The following PTPRD variants were observed in gnomAD, a reference collection of about 807,000 sequenced individuals.
PTPRD encodes the protein receptor-type tyrosine-protein phosphatase delta.
Under a neutral mutation model 214.5 loss-of-function variants are expected in PTPRD, and 34 were observed. The observed-to-expected ratio is 0.16, with a 90% CI of 0.12 to 0.21. PTPRD has a LOEUF of 0.21. Ranked by LOEUF, PTPRD falls within the 10% of genes least tolerant of loss-of-function variation. The probability of loss-of-function intolerance (pLI) is 1.00; values close to 1 mark genes in which losing one functional copy is unlikely to be tolerated. For synonymous variants in PTPRD, 1,128 were observed against 845.7 expected, an observed-to-expected ratio of 1.33 and a Z score of -5.79; for missense variants, 2,545 against 2,398.7, an observed-to-expected ratio of 1.06 and a Z score of -1.27.
intron 26 of PTPRD, 63 bp from the exon 27 acceptor site, chr9:8,493,042 C>A (rs2136317449): frequency 2.9e-6 from 4 of 1,380,132 alleles, no homozygotes; most frequent in East Asian, 2.3e-5. Context: ...GGGGGAAAAA[C>A]AAGGCCGTCT....
At chr9:9,330,124 C>T (rs1461013591) in intron 9 of PTPRD, among the ~76,000 whole-genome samples, 1 of 152,092 alleles carries the variant, frequency 6.6e-6, no homozygotes, top group East Asian at 1.9e-4. Flanking sequence ...TTGTCTCAAA[C>T]TCCAGACCCT....
At chr9:9,497,821 G>C in intron 8 of PTPRD, among the ~76,000 whole-genome samples, 1 of 152,038 alleles carries the variant, frequency 6.6e-6, no homozygotes, top group Non-Finnish European at 1.5e-5. Flanking sequence ...GCACTGTTAT[G>C]GAATGAAACT....
intron 10 of PTPRD, among the ~76,000 whole-genome samples, chr9:9,124,668 T>C (rs1471706769): frequency 6.6e-6 from 1 of 152,198 alleles, no homozygotes; most frequent in African/African-American, 2.4e-5. Flanking sequence ...TGGTGGCTGC[T>C]ATTTCAAGCC....
At chr9:9,603,339 A>G (rs1666116137) in intron 7 of PTPRD, among the ~76,000 whole-genome samples, 1 of 152,180 alleles carries the variant, frequency 6.6e-6, no homozygotes, top group Non-Finnish European at 1.5e-5. Flanking sequence ...AACAAATTCA[A>G]TAGCTGTGAG....
intron 2 of PTPRD, among the ~76,000 whole-genome samples, chr9:10,405,835 A>C (rs1332701108): frequency 6.6e-6 from 1 of 151,532 alleles, no homozygotes; most frequent in Non-Finnish European, 1.5e-5. Context: ...AGATTTTATT[A>C]AAATAAAATT....
intron 44 of PTPRD, among the ~76,000 whole-genome samples, chr9:8,324,988 T>C (rs1832206198): frequency 1.3e-5 from 2 of 152,140 alleles, no homozygotes; most frequent in African/African-American, 4.8e-5. Flanking sequence ...TTGTAGATTC[T>C]GGATATTAGC....
intron 44 of PTPRD, among the ~76,000 whole-genome samples, chr9:8,320,848 T>C (rs578224454): frequency 6.6e-6 from 1 of 152,218 alleles, no homozygotes. Context: ...AGGAAAGCAA[T>C]GGGAAGTTCA....
At chr9:8,747,333 G>C (rs1032183947) in intron 11 of PTPRD, among the ~76,000 whole-genome samples, 1 of 152,048 alleles carries the variant, frequency 6.6e-6, no homozygotes, top group African/African-American at 2.4e-5. Context: ...TGCTTACCTA[G>C]TCCTCCATTC....
intron 11 of PTPRD, among the ~76,000 whole-genome samples, chr9:8,925,004 G>A (rs190139381): frequency 2.7e-4 from 41 of 152,234 alleles, no homozygotes; most frequent in Non-Finnish European, 4.0e-4. Context: ...GTTATATTCC[G>A]TAAATACTTT....
intron 7 of PTPRD, among the ~76,000 whole-genome samples, chr9:9,579,054 C>G (rs2089947587): frequency 6.6e-6 from 1 of 152,048 alleles, no homozygotes. Context: ...TGCTTCAGAG[C>G]CTATGCTCTT....
intron 5 of PTPRD, among the ~76,000 whole-genome samples, chr9:9,815,671 T>C (rs1222855180): frequency 6.6e-6 from 1 of 152,026 alleles, no homozygotes; most frequent in African/African-American, 2.4e-5. Flanking sequence ...ATGTATGATA[T>C]CACTTATATG....
At chr9:8,678,038 G>A (rs756298161) in intron 12 of PTPRD, among the ~76,000 whole-genome samples, 3 of 152,154 alleles carry the variant, frequency 2.0e-5, no homozygotes, top group Non-Finnish European at 4.4e-5. Context: ...TTCTCTGTGT[G>A]ACAGCTTGGA....
chr9:8,982,541 TA>T lies in PTPRD; in HGVS notation c.-104+36155del, dbSNP rs542313216. Reference sequence around the variant, plus strand: ...ATGGCATCTAAGTATGAATCTTACTTAAAAAAAAAAAAAGAGAATGAAAATA... The same window carrying T: ...ATGGCATCTAAGTATGAATCTTACTTAAAAAAAAAAAAGAGAATGAAAATA... On this transcript the variant is annotated intron_variant, in intron 11 of 45. Coordinates refer to ENST00000381196, the MANE Select transcript of PTPRD (RefSeq NM_002839.4). Among the ~76,000 whole-genome samples the T allele has an allele frequency of 7.3e-3, 938 of 128,310 alleles. 1 individual carries two copies. Among genetic ancestry groups the T allele is most frequent in the Middle Eastern group, 0.015 (4 of 260 alleles). The allele number at this position is 128,310 out of a possible 152,430, so 84.2% of individuals were successfully genotyped here.
chr9:8,820,237 T>A (rs981582522), intron 11 of PTPRD, among the ~76,000 whole-genome samples: 4 of 152,132 alleles, frequency 2.6e-5, no homozygotes, highest in Non-Finnish European at 4.4e-5. Flanking sequence ...TGCACAGATG[T>A]GAAAACTGAG....
intron 35 of PTPRD, among the ~76,000 whole-genome samples, chr9:8,431,632 T>C (rs1050537338): frequency 7.9e-5 from 12 of 152,178 alleles, no homozygotes; most frequent in Admixed American, 2.6e-4. Context: ...GGGGGTCATG[T>C]TCTGTAATAC....
intron 7 of PTPRD, among the ~76,000 whole-genome samples, chr9:9,622,853 A>G (rs1347042331): frequency 1.3e-5 from 2 of 152,186 alleles, no homozygotes; most frequent in Non-Finnish European, 2.9e-5. Flanking sequence ...GTTATTTGCC[A>G]TTGCAGCTTT....
chr9:9,603,519 C>T (rs569189437), intron 7 of PTPRD, among the ~76,000 whole-genome samples: 1 of 152,244 alleles, frequency 6.6e-6, no homozygotes, highest in Admixed American at 6.5e-5. Flanking sequence ...GGCGGCATAC[C>T]CGGAAGTGAG....
intron 7 of PTPRD, among the ~76,000 whole-genome samples, chr9:9,591,225 G>A (rs890157326): frequency 6.6e-6 from 1 of 151,650 alleles, no homozygotes; most frequent in Admixed American, 6.6e-5. Flanking sequence ...TGAGAGGGAG[G>A]AACCTGCCAT....
intron 11 of PTPRD, among the ~76,000 whole-genome samples, chr9:8,872,396 C>T (rs755548133): frequency 2.1e-4 from 32 of 152,194 alleles, no homozygotes; most frequent in Non-Finnish European, 4.1e-4. Flanking sequence ...CAATGTTGTT[C>T]TCTCACATGA....
Sources: allele counts gnomAD v4.1 joint callset (sites outside exome capture counted in the v4.1 genomes callset), GRCh38; gene constraint gnomAD v4.1.1; transcripts MANE v1.5; gene names NCBI Gene and HGNC (gene_info 2026-07-23, HGNC 2026-07-21).